LOC112694756: variants seen among roughly 807,000 people sequenced by gnomAD.
At chr16:30,060,326 A>G in the LOC112694756 span, among the ~76,000 whole-genome samples, 1 of 152,152 alleles carries the variant, frequency 6.6e-6, no homozygotes, top group Non-Finnish European at 1.5e-5. Flanking sequence ...TGAAAAAATG[A>G]ATTAGCCAAG....
the LOC112694756 span, among the ~76,000 whole-genome samples, chr16:30,059,324 C>T: frequency 6.6e-6 from 1 of 151,654 alleles, no homozygotes; most frequent in Non-Finnish European, 1.5e-5. Context: ...GGTAAAACCC[C>T]GTCTCTACTA....
chr16:30,063,588 C>G, the LOC112694756 span: 1 of 397,838 alleles, frequency 2.5e-6, no homozygotes, highest in Non-Finnish European at 4.4e-6. Flanking sequence ...GGGAATTGCA[C>G]TGTTCCTGGG....
At chr16:30,061,548 C>CTTTTTTTTTTT in the LOC112694756 span, among the ~76,000 whole-genome samples, 1 of 65,566 alleles carries the variant, frequency 1.5e-5, no homozygotes, top group African/African-American at 5.3e-5. Context: ...CCTCCATTTC[C>CTTTTTTTTTTT]TTTTTTTTTT....
the LOC112694756 span, chr16:30,067,234 G>A: frequency 5.6e-6 from 9 of 1,612,184 alleles, 1 homozygote; most frequent in South Asian, 7.7e-5. Context: ...CTGTATCCAG[G>A]AACTTGCTAC....
At chr16:30,058,496 T>C in the LOC112694756 span, among the ~76,000 whole-genome samples, 1 of 151,192 alleles carries the variant, frequency 6.6e-6, no homozygotes, top group African/African-American at 2.4e-5. Context: ...CTTTTTTCTT[T>C]TTTTTTTGAG....
the LOC112694756 span, among the ~76,000 whole-genome samples, chr16:30,057,657 G>T: frequency 6.6e-6 from 1 of 152,122 alleles, no homozygotes; most frequent in African/African-American, 2.4e-5. Flanking sequence ...AGTAAATTGT[G>T]GGGCAAGGAG....
chr16:30,063,614 C>T, the LOC112694756 span: 2 of 398,072 alleles, frequency 5.0e-6, no homozygotes, highest in Non-Finnish European at 8.8e-6. Context: ...TGGACAGTAC[C>T]CTCTGTTCCA....
chr16:30,058,816 C>CTCATTCAT, the LOC112694756 span: 7 of 389,028 alleles, frequency 1.8e-5, no homozygotes, highest in African/African-American at 8.3e-5. Context: ...TTGCAAGGTT[C>CTCATTCAT]TCATTCATTC....
the LOC112694756 span, chr16:30,069,138 A>AGG: frequency 8.1e-6 from 11 of 1,355,606 alleles, no homozygotes; most frequent in Non-Finnish European, 1.1e-5. Context: ...GGGGCCAAGG[A>AGG]GGGATGGTGG....
chr16:30,063,693 A>T, the LOC112694756 span: 1 of 399,276 alleles, frequency 2.5e-6, no homozygotes, highest in Non-Finnish European at 4.4e-6. Flanking sequence ...ACGTGGCCCC[A>T]TCCCACCTCC....
At chr16:30,061,673 C>G in the LOC112694756 span, among the ~76,000 whole-genome samples, 1 of 145,376 alleles carries the variant, frequency 6.9e-6, no homozygotes. Context: ...GATTCTCCTG[C>G]TTCAGGCTTC....
the LOC112694756 span, chr16:30,066,839 C>A: frequency 1.0e-5 from 16 of 1,525,714 alleles, 1 homozygote; most frequent in East Asian, 4.0e-4. Context: ...CTGCTTGATT[C>A]ACGATCTTTA....
chr16:30,069,476 A>G, the LOC112694756 span: 4 of 1,613,878 alleles, frequency 2.5e-6, no homozygotes, highest in Non-Finnish European at 3.4e-6. Flanking sequence ...CCCACTACCC[A>G]CCGTGCGCCT....
At chr16:30,064,165 TAGG>T in the LOC112694756 span, 2 of 398,310 alleles carry the variant, frequency 5.0e-6, no homozygotes, top group Non-Finnish European at 4.4e-6. Context: ...ACAAGTGTTA[TAGG>T]AGGAGTCTGG....
the LOC112694756 span, chr16:30,068,787 A>G: frequency 1.2e-6 from 2 of 1,614,174 alleles, no homozygotes; most frequent in East Asian, 2.2e-5. Context: ...GCCCCTCCCC[A>G]CCGTGCTCTG....
At chr16:30,054,640 A>G in the LOC112694756 span, 1 of 397,118 alleles carries the variant, frequency 2.5e-6, no homozygotes, top group South Asian at 1.4e-4. Flanking sequence ...CAAGATAATG[A>G]GTCAGGGTGT....
chr16:30,053,834 G>A, the LOC112694756 span, among the ~76,000 whole-genome samples: 1 of 152,020 alleles, frequency 6.6e-6, no homozygotes, highest in African/African-American at 2.4e-5. Flanking sequence ...AGGGAGAGAG[G>A]TAGGCAGGGC....
At chr16:30,063,418 G>A in the LOC112694756 span, among the ~76,000 whole-genome samples, 1 of 152,048 alleles carries the variant, frequency 6.6e-6, no homozygotes, top group African/African-American at 2.4e-5. Flanking sequence ...GCTTGACACC[G>A]GGAGGCCCAA....
the LOC112694756 span, among the ~76,000 whole-genome samples, chr16:30,061,582 C>A: frequency 1.4e-5 from 1 of 70,878 alleles, no homozygotes; most frequent in African/African-American, 5.1e-5. Context: ...TTTTTTGAGG[C>A]AGAGTCTTGT....
Sources: allele counts gnomAD v4.1 joint callset (sites outside exome capture counted in the v4.1 genomes callset), GRCh38; gene constraint gnomAD v4.1.1; transcripts MANE v1.5.